Variants in GALK2 observed in about 807,000 individuals in gnomAD.
GALK2 encodes N-acetylgalactosamine kinase.
A neutral mutation model predicts 52.4 loss-of-function variants in GALK2; 36 were observed. That is an observed-to-expected ratio of 0.69 (90% CI 0.53 to 0.91). GALK2 has a LOEUF of 0.91. Ranked by LOEUF, GALK2 falls within the 40% of genes least tolerant of loss-of-function variation. GALK2 has a pLI of 0.00. For synonymous variants in GALK2, 176 were observed against 199.1 expected (o/e 0.88, Z 0.98); for missense variants, 579 against 559.1 (o/e 1.04, Z -0.36).
exon 4 of GALK2, chr15:49,367,539 T>C: frequency 6.2e-7 from 1 of 1,607,008 alleles, no homozygotes; most frequent in Non-Finnish European, 8.5e-7. Context: ...TAATATAAAA[T>C]CAATGGACTC....
At chr15:49,284,808 GTC>G (rs1269348870) in intron 7 of GALK2, among the ~76,000 whole-genome samples, 2 of 152,084 alleles carry the variant, frequency 1.3e-5, no homozygotes, top group Admixed American at 6.6e-5. Context: ...ATATCTGTAT[GTC>G]TCTCTATATC....
chr15:49,267,979 G>T (rs187984172), intron 5 of GALK2, among the ~76,000 whole-genome samples: 5 of 152,284 alleles, frequency 3.3e-5, no homozygotes, highest in Non-Finnish European at 1.5e-5. Flanking sequence ...TGACTGCATA[G>T]TTCCAGGATT....
rs1259698787 is a variant in GALK2, at chr15:49,201,158, T to G, written c.54-4T>G. ...ATTCTGAAATATTGTACTTTTATTT[T>G]CAGGTTACTGAAGCTAAAGGAGATG... On this transcript the variant is annotated splice_polypyrimidine_tract_variant and splice_region_variant and intron_variant, in intron 1 of 9. Transcript: ENST00000560031. The G allele has an allele frequency of 1.9e-6, 3 of 1,559,914 alleles. No homozygotes were observed. The highest frequency in any genetic ancestry group is 2.6e-6 in the Non-Finnish European group (3 of 1,132,532).
chr15:49,351,248 T>C (rs781635952), intron 3 of GALK2, among the ~76,000 whole-genome samples: 18 of 152,172 alleles, frequency 1.2e-4, no homozygotes, highest in South Asian at 4.1e-4. Context: ...TCAAATGTCT[T>C]CCACACAATG....
At chr15:49,303,343 A>G (rs1254890416) in intron 8 of GALK2, among the ~76,000 whole-genome samples, 4 of 152,330 alleles carry the variant, frequency 2.6e-5, no homozygotes, top group African/African-American at 9.6e-5. Flanking sequence ...TTCTGTAGGA[A>G]GAGCCTAGGA....
At chr15:49,156,125 G>C in intron 1 of GALK2, 2 of 1,084,088 alleles carry the variant, frequency 1.8e-6, no homozygotes, top group Non-Finnish European at 2.8e-6. Flanking sequence ...CTTAATGCTT[G>C]TTATATTTGT....
intron 3 of GALK2, among the ~76,000 whole-genome samples, chr15:49,229,194 T>G (rs2090362338): frequency 6.6e-6 from 1 of 152,204 alleles, no homozygotes; most frequent in African/African-American, 2.4e-5. Flanking sequence ...TCTTGGCACT[T>G]GTAGTATTGT....
At chr15:49,178,534 AC>A in intron 1 of GALK2, 1 of 269,738 alleles carries the variant, frequency 3.7e-6, no homozygotes, top group South Asian at 4.9e-5. Flanking sequence ...ATTTTCGGCC[AC>A]CATGGTGCAC....
intron 5 of GALK2, among the ~76,000 whole-genome samples, chr15:49,261,329 A>G (rs1375187531): frequency 1.4e-5 from 2 of 144,376 alleles, no homozygotes; most frequent in African/African-American, 5.2e-5. Flanking sequence ...CTTTGAAGCA[A>G]TTGTGAATGG....
intron 8 of GALK2, among the ~76,000 whole-genome samples, chr15:49,304,493 G>C (rs1446409344): frequency 6.6e-6 from 1 of 152,228 alleles, no homozygotes; most frequent in Non-Finnish European, 1.5e-5. Flanking sequence ...CAGGAGGAAG[G>C]TAATGTTGTT....
At chr15:49,295,564 C>G (rs1399595482) in intron 8 of GALK2, among the ~76,000 whole-genome samples, 1 of 152,052 alleles carries the variant, frequency 6.6e-6, no homozygotes, top group Admixed American at 6.6e-5. Context: ...AGTTCAGAAG[C>G]CTTCAGAGGC....
At chr15:49,313,737 CT>C in intron 8 of GALK2, among the ~76,000 whole-genome samples, 1 of 152,320 alleles carries the variant, frequency 6.6e-6, no homozygotes, top group East Asian at 1.9e-4. Flanking sequence ...TGTTGGTTAA[CT>C]TTTGCTAGAT....
rs550526666 is a variant in GALK2 at position 49,195,569 on chromosome 15, A to T, written c.54-5593A>T. Among the ~76,000 whole-genome samples the T allele has an allele frequency of 2.0e-5, 3 of 152,110 alleles. No individual in the cohort carries two copies. In the East Asian group the frequency reaches 5.8e-4, roughly 29 times the overall value. Reference sequence around the variant, plus strand: ...ACTGATTTCTGTATATTAATCTTACATCCTGTTACCTTAGTGAATTCTTTT... The same window carrying T: ...ACTGATTTCTGTATATTAATCTTACTTCCTGTTACCTTAGTGAATTCTTTT... On this transcript the variant is annotated intron_variant, in intron 1 of 9. Coordinates refer to ENST00000560031, the MANE Select transcript of GALK2 (RefSeq NM_002044.4).
At chr15:49,172,985 A>T (rs2085200253) in intron 1 of GALK2, among the ~76,000 whole-genome samples, 1 of 152,214 alleles carries the variant, frequency 6.6e-6, no homozygotes, top group Non-Finnish European at 1.5e-5. Context: ...TGCAACCATC[A>T]CCATAATCAA....
Position 49,278,134 on chromosome 15 carries a change from G to A in GALK2, c.505-3853G>A, listed in dbSNP as rs146597762. The stretch of plus-strand genomic sequence containing the variant: ...AAATTAGCCTGGCGTGGTGGCGGGC[G>A]CCTGTAGTCCCAGCTACTGGGGAGG... On this transcript the variant is annotated intron_variant, in intron 5 of 9. Transcript: ENST00000560031. Among the ~76,000 whole-genome samples the A allele has an allele frequency of 1.3e-3, 195 of 152,128 alleles. 1 individual carries two copies. Among genetic ancestry groups the A allele is most frequent in the African/African-American group, 4.3e-3 (177 of 41,498 alleles).
rs149780263 is a variant in GALK2 at position 49,206,716 on chromosome 15, A to G, written c.142+5466A>G. 1.9e-3 allele frequency among the ~76,000 whole-genome samples: 284 copies of G among 152,230 alleles called. 2 individuals are homozygous for G. The highest frequency in any genetic ancestry group is 6.3e-3 in the African/African-American group (263 of 41,530). ...TCTGGAAACTTTGCTGAATTCTTTT[A>G]TCAGTTCCAGGAGCTTTCTGAAGGA... On this transcript the variant is annotated intron_variant, in intron 2 of 9. Coordinates refer to ENST00000560031, the MANE Select transcript of GALK2 (RefSeq NM_002044.4).
intron 3 of GALK2, among the ~76,000 whole-genome samples, chr15:49,233,663 C>T (rs2090630833): frequency 6.6e-6 from 1 of 152,156 alleles, no homozygotes; most frequent in South Asian, 2.1e-4. Context: ...TGTGTGACCT[C>T]TTGTTGATGG....
chr15:49,319,605 G>A lies in GALK2; in HGVS notation c.969G>A (p.Val323=), dbSNP rs1198536195. The A allele has an allele frequency of 6.2e-7, 1 of 1,614,004 alleles. No individual in the cohort carries two copies. The highest frequency in any genetic ancestry group is 2.2e-5 in the East Asian group (1 of 44,882). The change falls in exon 9 of 10, where the codon GTG becomes GTA. Residue 323 remains valine (V), a splice_region_variant and synonymous_variant. Transcript: ENST00000560031. Reference sequence around the variant, plus strand: ...TTCCCCATCCTCTTCCTTCCTCAGTGCTCATCTTCAAACTCTATCAGCGGG... The same window carrying A: ...TTCCCCATCCTCTTCCTTCCTCAGTACTCATCTTCAAACTCTATCAGCGGG... ...TQILSPNTQD[V]LIFKLYQRAK...
chr15:49,279,971 A>G (rs1210816702), intron 5 of GALK2, among the ~76,000 whole-genome samples: 1 of 152,260 alleles, frequency 6.6e-6, no homozygotes, highest in Non-Finnish European at 1.5e-5. Flanking sequence ...CACATGACCA[A>G]CAAGGAATAT....
Sources: allele counts gnomAD v4.1 joint callset (sites outside exome capture counted in the v4.1 genomes callset), GRCh38; gene constraint gnomAD v4.1.1; transcripts MANE v1.5; gene names NCBI Gene and HGNC (gene_info 2026-07-23, HGNC 2026-07-21).